Variants in NHS observed in about 807,000 individuals in gnomAD.
NHS encodes the protein actin remodeling regulator NHS.
A neutral mutation model predicts 72.5 loss-of-function variants in NHS; 5 were observed. The ratio of observed to expected loss-of-function variants is 0.07; its 90% CI spans 0.04 to 0.14. The LOEUF (loss-of-function observed/expected upper bound fraction) is 0.14, where lower values mean the gene tolerates loss of function less well. Among genes scored for constraint, NHS ranks in the 10% least tolerant of loss-of-function variants. NHS has a pLI of 1.00. For missense variants in NHS, 1,072 were observed against 1,355.7 expected, an observed-to-expected ratio of 0.79 and a Z score of 3.29; for synonymous variants, 464 against 547.7, an observed-to-expected ratio of 0.85 and a Z score of 2.13.
chrX:17,413,889 T>A (rs967698154), intron 1 of NHS, among the ~76,000 whole-genome samples: 2 of 112,441 alleles, frequency 1.8e-5, no homozygotes, highest in African/African-American at 6.5e-5. Flanking sequence ...AACAAGAGCT[T>A]TGGTCTTTTG....
At chrX:17,435,567 G>A (rs2064717982) in intron 1 of NHS, among the ~76,000 whole-genome samples, 1 of 112,328 alleles carries the variant, frequency 8.9e-6, no homozygotes, top group Admixed American at 9.4e-5. Context: ...TTTGGGGAGG[G>A]AAAGACAAGC....
intron 3 of NHS, among the ~76,000 whole-genome samples, chrX:17,715,002 C>A (rs771896645): frequency 8.9e-6 from 1 of 112,243 alleles, no homozygotes; most frequent in East Asian, 2.8e-4. Flanking sequence ...AAAGAGGATG[C>A]TTTATTTTAT....
intron 1 of NHS, among the ~76,000 whole-genome samples, chrX:17,685,135 G>C (rs2066154348): frequency 1.8e-5 from 2 of 111,687 alleles, no homozygotes; most frequent in African/African-American, 6.5e-5. Context: ...AGTTTTCCCT[G>C]GAAGAGCTCC....
intron 1 of NHS, among the ~76,000 whole-genome samples, chrX:17,425,568 AAAAG>A (rs1474964907): frequency 1.9e-3 from 150 of 77,018 alleles, no homozygotes; most frequent in African/African-American, 2.1e-3. Context: ...AAAAAAAAAA[AAAAG>A]AAAGAAAGAA....
At chrX:17,503,892 C>T (rs946022304) in intron 1 of NHS, among the ~76,000 whole-genome samples, 1 of 111,348 alleles carries the variant, frequency 9.0e-6, no homozygotes, top group Non-Finnish European at 1.9e-5. Context: ...GGAGGAGAAA[C>T]AACCCTTGAA....
chrX:17,609,053 C>T, intron 1 of NHS, among the ~76,000 whole-genome samples: 1 of 111,835 alleles, frequency 8.9e-6, no homozygotes, highest in Non-Finnish European at 1.9e-5. Flanking sequence ...TCAGACCATA[C>T]AGTTGTGAAA....
intron 1 of NHS, among the ~76,000 whole-genome samples, chrX:17,457,369 G>A (rs371725620): frequency 2.2e-4 from 25 of 111,537 alleles, no homozygotes; most frequent in South Asian, 7.7e-4. Context: ...GCTTCTACTC[G>A]TAGTGGAAGG....
Position 17,375,809 on chromosome X carries a change from C to T in NHS, c.52C>T (p.Arg18Cys). Residue 18 changes from arginine (R) to cysteine (C), a missense_variant, in exon 1 of 9, where the codon CGC becomes TGC. Arg to Cys is a radical substitution (Grantham distance 180). Transcript: ENST00000676302. ...GCCGCAATGGCTGTGCAGGCAGCGG[C>T]GCCCTGCGCCCGGCCCAGCAGTGGA... ...VEPQWLCRQRRPAPGPAVDAS... is the reference protein window; with the variant it reads ...VEPQWLCRQRCPAPGPAVDAS... The T allele has an allele frequency of 1.7e-6, 2 of 1,151,995 alleles. No individual in the cohort carries two copies. Among genetic ancestry groups the T allele is most frequent in the Non-Finnish European group, 2.3e-6 (2 of 871,527 alleles). The allele number at this position is 1,151,995 out of a possible 1,213,427, so 94.9% of individuals were successfully genotyped here.
chrX:17,425,568 A>AAAAGAAAGAAAGAAAG (rs1474964907), intron 1 of NHS, among the ~76,000 whole-genome samples: 1 of 77,094 alleles, frequency 1.3e-5, no homozygotes, highest in East Asian at 4.2e-4. Context: ...AAAAAAAAAA[A>AAAAGAAAGAAAGAAAG]AAAGAAAGAA....
At chrX:17,593,746 C>CATGTCT (rs768889970) in intron 1 of NHS, among the ~76,000 whole-genome samples, 361 of 111,773 alleles carry the variant, frequency 3.2e-3, no homozygotes, top group African/African-American at 0.011. Flanking sequence ...AAACTTCTTA[C>CATGTCT]ATGTCTATGT....
chrX:17,458,250 C>T (rs907698092), intron 1 of NHS, among the ~76,000 whole-genome samples: 3 of 111,555 alleles, frequency 2.7e-5, no homozygotes, highest in African/African-American at 9.8e-5. Context: ...TGTTTCTTGA[C>T]AGTGTCTTGC....
intron 1 of NHS, among the ~76,000 whole-genome samples, chrX:17,638,240 C>T (rs1334572269): frequency 8.9e-6 from 1 of 112,018 alleles, no homozygotes; most frequent in Non-Finnish European, 1.9e-5. Context: ...TCCCTTAGTT[C>T]ATTCCTGGGA....
At chrX:17,399,422 G>T (rs1601688773) in intron 1 of NHS, among the ~76,000 whole-genome samples, 1 of 111,418 alleles carries the variant, frequency 9.0e-6, no homozygotes, top group East Asian at 2.8e-4. Flanking sequence ...TTTTCAAATT[G>T]TTTATATTTG....
At chrX:17,413,681 C>T (rs1462530096) in intron 1 of NHS, among the ~76,000 whole-genome samples, 1 of 112,242 alleles carries the variant, frequency 8.9e-6, no homozygotes, top group East Asian at 2.8e-4. Context: ...CTGGCTTGTA[C>T]TATCTGCTCA....
chrX:17,662,579 G>A (rs898371210), intron 1 of NHS, among the ~76,000 whole-genome samples: 14 of 111,782 alleles, frequency 1.3e-4, no homozygotes, highest in South Asian at 3.8e-4. Context: ...GCCAGGATAC[G>A]GATGACTCTG....
intron 1 of NHS, among the ~76,000 whole-genome samples, chrX:17,628,451 T>G (rs1227884434): frequency 2.7e-5 from 3 of 112,789 alleles, no homozygotes; most frequent in Non-Finnish European, 5.6e-5. Flanking sequence ...ATATGTAGCC[T>G]CTCATGCATG....
intron 2 of NHS, among the ~76,000 whole-genome samples, chrX:17,690,938 C>T (rs1314794302): frequency 9.0e-6 from 1 of 111,288 alleles, no homozygotes; most frequent in Non-Finnish European, 1.9e-5. Context: ...TTTTATATTT[C>T]CTTTCCTTTC....
intron 1 of NHS, among the ~76,000 whole-genome samples, chrX:17,435,591 A>G (rs770088200): frequency 8.9e-6 from 1 of 112,630 alleles, no homozygotes. Context: ...AGGATTGGGA[A>G]TGTGAAAACC....
At chrX:17,673,048 G>C (rs1444040372) in intron 1 of NHS, among the ~76,000 whole-genome samples, 5 of 110,704 alleles carry the variant, frequency 4.5e-5, no homozygotes, top group Non-Finnish European at 9.4e-5. Flanking sequence ...AGATTAAAAG[G>C]AGACAAAAAG....
Sources: allele counts gnomAD v4.1 joint callset (sites outside exome capture counted in the v4.1 genomes callset), GRCh38; gene constraint gnomAD v4.1.1; transcripts MANE v1.5; gene names NCBI Gene and HGNC (gene_info 2026-07-23, HGNC 2026-07-21).